The following SLC36A1 variants were observed in gnomAD, a reference collection of about 807,000 sequenced individuals.
SLC36A1 encodes solute carrier family 36 member 1.
A neutral mutation model predicts 47.5 loss-of-function variants in SLC36A1; 30 were observed. The observed-to-expected ratio is 0.63, with a 90% CI of 0.47 to 0.86. The LOEUF (loss-of-function observed/expected upper bound fraction) is 0.86, where lower values mean the gene tolerates loss of function less well. Ranked by LOEUF, SLC36A1 falls within the 40% of genes least tolerant of loss-of-function variation. SLC36A1 has a pLI of 0.00. For synonymous variants in SLC36A1, 255 were observed against 249.7 expected, an observed-to-expected ratio of 1.02 and a Z score of -0.20; for missense variants, 517 against 606.0, an observed-to-expected ratio of 0.85 and a Z score of 1.54.
At chr5:151,498,494 C>G in the SLC36A1 span, among the ~76,000 whole-genome samples, 1 of 152,158 alleles carries the variant, frequency 6.6e-6, no homozygotes, top group African/African-American at 2.4e-5. Flanking sequence ...ATGACTTGCC[C>G]AAGATCACGT....
chr5:151,413,684 A>G, the SLC36A1 span, among the ~76,000 whole-genome samples: 1 of 152,056 alleles, frequency 6.6e-6, no homozygotes, highest in Non-Finnish European at 1.5e-5. Context: ...CTTTTGTTTA[A>G]GAAAGAGCTG....
the SLC36A1 span, among the ~76,000 whole-genome samples, chr5:151,417,701 AGAG>A: frequency 4.2e-4 from 45 of 106,014 alleles, 1 homozygote; most frequent in South Asian, 0.01. Flanking sequence ...AAAGGGAAGC[AGAG>A]CATAAAAGTT....
At chr5:151,398,209 T>TC in the SLC36A1 span, among the ~76,000 whole-genome samples, 4 of 152,190 alleles carry the variant, frequency 2.6e-5, no homozygotes, top group African/African-American at 9.7e-5. Flanking sequence ...TACCTCTGCC[T>TC]CCGAGTAGCT....
the SLC36A1 span, among the ~76,000 whole-genome samples, chr5:151,546,542 A>G: frequency 1.1e-4 from 16 of 152,204 alleles, no homozygotes; most frequent in African/African-American, 3.9e-4. Flanking sequence ...TCATATCACC[A>G]TCAATTATCA....
chr5:151,535,355 T>C, the SLC36A1 span, among the ~76,000 whole-genome samples: 3 of 152,018 alleles, frequency 2.0e-5, no homozygotes, highest in African/African-American at 7.3e-5. Context: ...CCTTTTCTAA[T>C]TGTGGGTTTT....
chr5:151,555,086 A>G, the SLC36A1 span, among the ~76,000 whole-genome samples: 3 of 152,188 alleles, frequency 2.0e-5, no homozygotes, highest in Admixed American at 1.3e-4. Context: ...TGAGTCAGAC[A>G]TGTGCACGTG....
chr5:151,542,911 A>G, the SLC36A1 span: 1 of 1,614,186 alleles, frequency 6.2e-7, no homozygotes, highest in Non-Finnish European at 8.5e-7. Flanking sequence ...TAGGGAGAAG[A>G]CACCATCCTT....
the SLC36A1 span, among the ~76,000 whole-genome samples, chr5:151,556,082 T>C: frequency 6.6e-6 from 1 of 152,196 alleles, no homozygotes; most frequent in Non-Finnish European, 1.5e-5. Flanking sequence ...ACACATGTAC[T>C]GCTCCCCTCT....
chr5:151,483,039 A>AAACAAT (rs1490416172), intron 10 of SLC36A1, among the ~76,000 whole-genome samples: 1 of 152,158 alleles, frequency 6.6e-6, no homozygotes, highest in Non-Finnish European at 1.5e-5. Flanking sequence ...TCCATCTCAA[A>AAACAAT]AACAATAAAA....
the SLC36A1 span, among the ~76,000 whole-genome samples, chr5:151,512,924 A>G: frequency 6.6e-6 from 1 of 152,296 alleles, no homozygotes; most frequent in Admixed American, 6.5e-5. The surrounding 1 kb of genome is among the most constrained non-coding windows in gnomAD (Gnocchi z 4.1). Context: ...AGGCCTGTCC[A>G]GAGTTCCACA....
chr5:151,505,925 CA>C, the SLC36A1 span: 1 of 1,586,896 alleles, frequency 6.3e-7, no homozygotes, highest in Non-Finnish European at 8.6e-7. Flanking sequence ...TTTCCATCTC[CA>C]GGGGGAAGGG....
the SLC36A1 span, among the ~76,000 whole-genome samples, chr5:151,397,421 C>A: frequency 6.6e-6 from 1 of 152,228 alleles, no homozygotes. Flanking sequence ...GCTAGCCACT[C>A]TATAGTGATA....
the SLC36A1 span, among the ~76,000 whole-genome samples, chr5:151,351,500 G>A: frequency 1.3e-5 from 2 of 152,124 alleles, no homozygotes; most frequent in Non-Finnish European, 2.9e-5. Context: ...AGAGTGAATT[G>A]CGGATGAGGA....
the SLC36A1 span, among the ~76,000 whole-genome samples, chr5:151,394,856 C>T: frequency 3.3e-5 from 5 of 152,200 alleles, no homozygotes; most frequent in African/African-American, 4.8e-5. Context: ...GTCAGGGACC[C>T]GCTTGAGGAG....
chr5:151,476,691 T>C lies in SLC36A1; in HGVS notation c.924T>C (p.Cys308=), dbSNP rs562737236. ...IVTILYISLG[C]LGYLQFGANI... ...CCATCCTCTACATCAGCCTGGGGTGTCTGGGGTACCTGCAATTTGGAGCTA... is the reference window on the plus strand; with the variant it reads ...CCATCCTCTACATCAGCCTGGGGTGCCTGGGGTACCTGCAATTTGGAGCTA... Residue 308 remains cysteine (C), a synonymous_variant, in exon 9 of 11, where the codon TGT becomes TGC. Coordinates refer to ENST00000243389, the MANE Select transcript of SLC36A1 (RefSeq NM_078483.4). 4.3e-6 allele frequency: 7 copies of C among 1,613,792 alleles called. No homozygotes were observed. The highest frequency in any genetic ancestry group is 1.7e-5 in the Admixed American group (1 of 59,996).
At chr5:151,399,080 ATATATT>A in the SLC36A1 span, among the ~76,000 whole-genome samples, 44 of 84,728 alleles carry the variant, frequency 5.2e-4, no homozygotes, top group African/African-American at 3.1e-3. Context: ...ATATATATAT[ATATATT>A]TTTTTTTTTT....
At chr5:151,480,109 G>T in intron 10 of SLC36A1, 1 of 1,484,828 alleles carries the variant, frequency 6.7e-7, no homozygotes, top group Non-Finnish European at 8.8e-7. Flanking sequence ...TTGAAAACTG[G>T]TGACATTTAG....
chr5:151,543,634 G>A, the SLC36A1 span: 1 of 1,614,136 alleles, frequency 6.2e-7, no homozygotes. Flanking sequence ...AATCACCTTG[G>A]TTCCAACCAT....
chr5:151,501,767 C>T, the SLC36A1 span, among the ~76,000 whole-genome samples: 8 of 148,264 alleles, frequency 5.4e-5, no homozygotes, highest in Non-Finnish European at 4.4e-5. Context: ...CACAATGGAG[C>T]GAACAGCCTT....
Sources: allele counts gnomAD v4.1 joint callset (sites outside exome capture counted in the v4.1 genomes callset), GRCh38; gene constraint gnomAD v4.1.1; non-coding constraint Gnocchi (gnomAD v3.1); transcripts MANE v1.5; gene names NCBI Gene and HGNC (gene_info 2026-07-23, HGNC 2026-07-21).